The following KCNQ5 variants were observed in gnomAD, a reference collection of about 807,000 sequenced individuals.
The protein encoded by KCNQ5 is potassium voltage-gated channel subfamily Q member 5, also known as potassium voltage-gated channel subfamily KQT member 5.
Under a neutral mutation model 98.2 loss-of-function variants are expected in KCNQ5, and 30 were observed. The observed-to-expected ratio is 0.31, with a 90% confidence interval of 0.23 to 0.41. The LOEUF (loss-of-function observed/expected upper bound fraction) is 0.41. Among genes scored for constraint, KCNQ5 ranks in the 10% least tolerant of loss-of-function variants. The pLI is 1.00. For synonymous variants in KCNQ5, 458 were observed against 449.4 expected (o/e 1.02, Z -0.24); for missense variants, 835 against 1,182.5 (o/e 0.71, Z 4.31).
intron 10 of KCNQ5, among the ~76,000 whole-genome samples, chr6:73,142,052 C>T (rs1003896794): frequency 6.6e-6 from 1 of 152,176 alleles, no homozygotes; most frequent in Non-Finnish European, 1.5e-5. Flanking sequence ...CCTTTTATTT[C>T]CTTGCCACAT....
At chr6:72,983,786 C>T (rs1389479765) in intron 1 of KCNQ5, among the ~76,000 whole-genome samples, 3 of 151,918 alleles carry the variant, frequency 2.0e-5, no homozygotes, top group Non-Finnish European at 4.4e-5. Flanking sequence ...CTTTTCTGTT[C>T]TTGTTTCTCC....
At chr6:72,660,453 C>G (rs981640367) in intron 1 of KCNQ5, among the ~76,000 whole-genome samples, 4 of 151,496 alleles carry the variant, frequency 2.6e-5, no homozygotes, top group African/African-American at 9.8e-5. Context: ...CCCTTTTTAT[C>G]AATGAAAAGG....
intron 5 of KCNQ5, among the ~76,000 whole-genome samples, chr6:73,097,596 G>T (rs530548195): frequency 6.6e-6 from 1 of 152,282 alleles, no homozygotes; most frequent in Admixed American, 6.5e-5. Flanking sequence ...ACCCAGTGCA[G>T]TCTCAGTGAT....
chr6:73,195,154 T>G lies in KCNQ5; in HGVS notation c.2539T>G (p.Ser847Ala). 2 of 1,614,168 alleles carry G rather than the reference T, an allele frequency of 1.2e-6. No homozygotes were observed. Among genetic ancestry groups the G allele is most frequent in the South Asian group, 2.2e-5 (2 of 91,078 alleles). The change falls in exon 14 of 14, where the codon TCA becomes GCA. Residue 847 changes from serine to alanine, a missense_variant. Coordinates refer to ENST00000370398, the MANE Select transcript of KCNQ5 (RefSeq NM_019842.4). ...GACCGAGGAACTGAATATACAACTT[T>G]CAGGGAGTGAGTCAAGTGGCTCCAG... Reference protein sequence around the residue: ...RSTEELNIQLSGSESSGSRGS... With the variant: ...RSTEELNIQLAGSESSGSRGS...
At chr6:73,094,326 A>C (rs543980489) in intron 5 of KCNQ5, among the ~76,000 whole-genome samples, 50 of 152,284 alleles carry the variant, frequency 3.3e-4, no homozygotes, top group African/African-American at 1.1e-3. Context: ...GTCAGCAGGT[A>C]GTTGGTTGGT....
chr6:72,853,608 G>A (rs1777388341), intron 1 of KCNQ5, among the ~76,000 whole-genome samples: 1 of 152,116 alleles, frequency 6.6e-6, no homozygotes, highest in Non-Finnish European at 1.5e-5. Flanking sequence ...TTTGAATGTA[G>A]GCCAGCAAAT....
chr6:73,023,502 G>T (rs1770707307), intron 2 of KCNQ5, among the ~76,000 whole-genome samples: 1 of 152,072 alleles, frequency 6.6e-6, no homozygotes, highest in Non-Finnish European at 1.5e-5. Flanking sequence ...TAAGGAAATA[G>T]TAGCCACCAT....
At chr6:73,116,697 T>C (rs1388854461) in intron 7 of KCNQ5, among the ~76,000 whole-genome samples, 1 of 151,840 alleles carries the variant, frequency 6.6e-6, no homozygotes, top group Non-Finnish European at 1.5e-5. Context: ...TAATAATAAA[T>C]AAGGATTCTT....
At chr6:72,670,710 G>C (rs1211792576) in intron 1 of KCNQ5, among the ~76,000 whole-genome samples, 1 of 152,210 alleles carries the variant, frequency 6.6e-6, no homozygotes, top group African/African-American at 2.4e-5. Context: ...CCTTCTTGCT[G>C]TGTGCTCCTG....
intron 1 of KCNQ5, among the ~76,000 whole-genome samples, chr6:72,834,140 G>A (rs12207705): frequency 0.24 from 36,620 of 151,858 alleles, 4,670 homozygotes; most frequent in South Asian, 0.46. Context: ...ATGACAAAAT[G>A]TGAACATTTG....
intron 1 of KCNQ5, among the ~76,000 whole-genome samples, chr6:72,829,576 G>A (rs955778489): frequency 1.3e-5 from 2 of 152,128 alleles, no homozygotes; most frequent in African/African-American, 4.8e-5. Context: ...GGCACAGTGC[G>A]AATAACTCTC....
At chr6:72,843,892 G>A (rs1035814998) in intron 1 of KCNQ5, among the ~76,000 whole-genome samples, 2 of 152,114 alleles carry the variant, frequency 1.3e-5, no homozygotes, top group Non-Finnish European at 1.5e-5. Context: ...TCAGGGACAT[G>A]GATGAAGCTG....
In KCNQ5 at chr6:72,736,502, C is replaced by CTTTTTTT. The variant is rs752921476; in HGVS notation, c.398+113924_398+113930dup. On this transcript the variant is annotated intron_variant, in intron 1 of 13. Coordinates refer to ENST00000370398, the MANE Select transcript of KCNQ5 (RefSeq NM_019842.4). ...TATGCTTACATGTAAAAAAAGATTT[C>CTTTTTTT]TTTTTTTTTTTTTTTGAGACGGAGT... Among the ~76,000 whole-genome samples, 79 of 121,016 alleles carry CTTTTTTT rather than the reference C, an allele frequency of 6.5e-4. 12 individuals carry two copies. Among genetic ancestry groups the CTTTTTTT allele is most frequent in the African/African-American group, 2.7e-3 (72 of 27,160 alleles). 79.4% of individuals were successfully genotyped at this position (121,016 alleles called of 152,430 possible).
intron 1 of KCNQ5, among the ~76,000 whole-genome samples, chr6:72,859,534 T>C (rs1777675981): frequency 6.6e-6 from 1 of 152,176 alleles, no homozygotes; most frequent in Admixed American, 6.5e-5. Context: ...TTTAACTCTG[T>C]ATTTTTTCTT....
chr6:72,733,481 C>A (rs563671395), intron 1 of KCNQ5, among the ~76,000 whole-genome samples: 23 of 152,300 alleles, frequency 1.5e-4, no homozygotes, highest in African/African-American at 4.1e-4. Flanking sequence ...TACTTTCAAG[C>A]AGTGATGCTC....
chr6:72,626,145 A>G (rs1334998357), intron 1 of KCNQ5, among the ~76,000 whole-genome samples: 2 of 152,364 alleles, frequency 1.3e-5, no homozygotes, highest in African/African-American at 4.8e-5. Flanking sequence ...AGGGACTACT[A>G]CAAGCCTGTG....
rs188685781 is a variant in KCNQ5, at chr6:72,698,482, T to C, written c.398+75895T>C. ...CCTCCCAAAATGCTGGGATTACAGG[T>C]GTGAGCCACCGCACCTGGCTTGTTT... On this transcript the variant is annotated intron_variant, in intron 1 of 13. Transcript: ENST00000370398. 2.8e-3 allele frequency among the ~76,000 whole-genome samples: 419 copies of C among 152,102 alleles called. 2 individuals are homozygous for C. Among genetic ancestry groups the C allele is most frequent in the Non-Finnish European group, 3.4e-3 (233 of 67,978 alleles).
chr6:73,036,785 T>C, intron 2 of KCNQ5, among the ~76,000 whole-genome samples: 1 of 152,306 alleles, frequency 6.6e-6, no homozygotes, highest in African/African-American at 2.4e-5. Context: ...GTCTGGTCAT[T>C]ATGAATACTT....
chr6:72,646,597 G>A (rs925288178), intron 1 of KCNQ5, among the ~76,000 whole-genome samples: 6 of 152,046 alleles, frequency 3.9e-5, no homozygotes, highest in Non-Finnish European at 8.8e-5. Flanking sequence ...AAAACTAAAG[G>A]GACCTTTTCT....
Sources: allele counts gnomAD v4.1 joint callset (sites outside exome capture counted in the v4.1 genomes callset), GRCh38; gene constraint gnomAD v4.1.1; transcripts MANE v1.5; gene names NCBI Gene and HGNC (gene_info 2026-07-23, HGNC 2026-07-21).